Variants in DNAAF1 observed in about 807,000 individuals in gnomAD.
The protein encoded by DNAAF1 is dynein assembly factor 1, axonemal.
DNAAF1 carries 65 observed loss-of-function variants against 71.1 expected under a neutral mutation model. That is an observed-to-expected ratio of 0.91 (90% CI 0.75 to 1.12). DNAAF1 has a LOEUF of 1.12. Among genes scored for constraint, DNAAF1 ranks in the 50% most tolerant of loss-of-function variants. The pLI, the probability that DNAAF1 is intolerant of heterozygous loss-of-function variation, is 0.00. For missense variants in DNAAF1, 1,178 were observed against 899.8 expected (o/e 1.31, Z -3.96); for synonymous variants, 414 against 354.6 (o/e 1.17, Z -1.88).
At chr16:84,149,260 C>T in intron 2 of DNAAF1, 118 bp downstream of exon 2, 1 of 1,341,606 alleles carries the variant, frequency 7.5e-7, no homozygotes, top group Admixed American at 1.8e-5. Context: ...TGCCCAATGT[C>T]TGAGAATGGA....
At chr16:84,152,621 C>G (rs968170067) in intron 3 of DNAAF1, among the ~76,000 whole-genome samples, 36 of 140,694 alleles carry the variant, frequency 2.6e-4, no homozygotes, top group African/African-American at 9.7e-4. Flanking sequence ...GCGCTCCAGC[C>G]TAGGCGACAG....
chr16:84,162,202 T>G (rs989756080), intron 6 of DNAAF1: 5 of 152,230 alleles, frequency 3.3e-5, no homozygotes, highest in South Asian at 2.1e-4. Context: ...GGGATCTGCT[T>G]CTTCTCTCTT....
At chr16:84,166,998 G>A (rs116429384) in intron 7 of DNAAF1, among the ~76,000 whole-genome samples, 5,201 of 151,998 alleles carry the variant, frequency 0.034, 277 homozygotes, top group African/African-American at 0.12. Flanking sequence ...GACACTAACC[G>A]CACAAGTGAT....
At position 84,171,393 on chromosome 16, in the gene DNAAF1, A is replaced by G. The variant is rs1023539188; in HGVS notation, c.1529-867A>G. 4.1e-4 allele frequency among the ~76,000 whole-genome samples: 62 copies of G among 152,210 alleles called. 1 individual carries two copies. The highest frequency in any genetic ancestry group is 4.0e-3 in the Admixed American group (61 of 15,280). The stretch of plus-strand genomic sequence containing the variant: ...GAAGGGGATGGGAGGTCGAGGCTGC[A>G]GTGAGCTGAGATTGCACCACTGCAC... On this transcript the variant is annotated intron_variant, in intron 8 of 11. Coordinates refer to ENST00000378553, the MANE Select transcript of DNAAF1 (RefSeq NM_178452.6).
intron 9 of DNAAF1, chr16:84,173,651 T>G (rs2088498646): frequency 3.0e-6 from 1 of 338,152 alleles, no homozygotes; most frequent in South Asian, 1.2e-4. Context: ...CTGGCCAACA[T>G]GGTGAAACCC....
chr16:84,155,302 C>T (rs907262838), intron 4 of DNAAF1, among the ~76,000 whole-genome samples: 12 of 152,140 alleles, frequency 7.9e-5, no homozygotes, highest in African/African-American at 2.4e-4. Context: ...AGTTAGAGCT[C>T]ACTGCAGCCT....
rs140386513 is a variant in DNAAF1 at position 84,150,293 on chromosome 16, G to C, written c.303G>C (p.Lys101Asn). The change falls in exon 3 of 12, where the codon AAG becomes AAC. Residue 101 changes from lysine to asparagine, a missense_variant. Transcript: ENST00000378553. ...TGCAAAAACTCTGCAAGCAGCACAAGCTTTATATTACCCCAGCATTGAATG... is the reference window on the plus strand; with the variant it reads ...TGCAAAAACTCTGCAAGCAGCACAACCTTTATATTACCCCAGCATTGAATG... ...SSLQKLCKQH[K>N]LYITPALNDT... 3.2e-4 allele frequency: 509 copies of C among 1,614,042 alleles called. No individual in the cohort carries two copies. In the African/African-American group the frequency reaches 6.0e-3, roughly 19 times the overall value.
chr16:84,177,704 G>A (rs1363294162), intron 11 of DNAAF1, 25 bp from the exon 12 acceptor site: 2 of 1,598,120 alleles, frequency 1.3e-6, no homozygotes, highest in Admixed American at 3.3e-5. Context: ...CAGGGAGAAA[G>A]CACAGGTCAC....
At chr16:84,150,601 T>C (rs1398152247) in intron 3 of DNAAF1, among the ~76,000 whole-genome samples, 1 of 151,192 alleles carries the variant, frequency 6.6e-6, no homozygotes, top group African/African-American at 2.4e-5. Flanking sequence ...TAAGGAATTT[T>C]TTTTTCTTTT....
At chr16:84,149,294 G>T (rs189924902) in intron 2 of DNAAF1, 152 bp downstream of exon 2, 6 of 986,790 alleles carry the variant, frequency 6.1e-6, no homozygotes, top group Non-Finnish European at 9.4e-6. Flanking sequence ...TGCCTCTGCC[G>T]CACAGCTGAG....
intron 1 of DNAAF1, among the ~76,000 whole-genome samples, chr16:84,148,212 C>T (rs1421780596): frequency 6.6e-6 from 1 of 152,062 alleles, no homozygotes; most frequent in African/African-American, 2.4e-5. Flanking sequence ...ACATGTATGC[C>T]CTGAAACAGT....
Position 84,154,795 on chromosome 16 carries a change from C to T in DNAAF1, c.571C>T (p.Leu191Phe). 1 of 1,612,808 alleles carries T rather than the reference C, an allele frequency of 6.2e-7. No individual in the cohort carries two copies. The highest frequency in any genetic ancestry group is 1.1e-5 in the South Asian group (1 of 91,042). The change falls in exon 4 of 12, where the codon CTC becomes TTC. Residue 191 changes from leucine (L) to phenylalanine (F), a missense_variant. Leu to Phe is a conservative substitution (Grantham distance 22). Transcript: ENST00000378553. ...CAATTACATCAAGACCATTGAAAAC[C>T]TCTGTAAGGGTACCCAGCAAGCAGT... ...SNNYIKTIEN[L>F]SCLPVLNTLQ...
chr16:84,154,525 C>T, intron 3 of DNAAF1, 52 bp from the exon 4 acceptor site: 24 of 1,534,478 alleles, frequency 1.6e-5, no homozygotes, highest in Non-Finnish European at 2.2e-5. Flanking sequence ...TGACCGTGAC[C>T]CCTCTGCCCT....
At chr16:84,162,129 T>C (rs954376442) in intron 6 of DNAAF1, 1 of 152,280 alleles carries the variant, frequency 6.6e-6, no homozygotes, top group African/African-American at 2.4e-5. Flanking sequence ...TTCTCTGCTA[T>C]AGTATACTTT....
In DNAAF1 at chr16:84,165,828, G is replaced by T. The variant is rs1459477918; in HGVS notation, c.909G>T (p.Lys303Asn). The T allele has an allele frequency of 3.1e-6, 5 of 1,613,692 alleles. No individual in the cohort carries two copies. Among genetic ancestry groups the T allele is most frequent in the Non-Finnish European group, 4.2e-6 (5 of 1,179,962 alleles). The change falls in exon 7 of 12, where the codon AAG becomes AAT. Residue 303 changes from lysine (K) to asparagine (N), a missense_variant. Transcript: ENST00000378553. ...AWARGGYAAE[K>N]EERQQWESRE... is the part of the protein sequence containing the mutation. ...CTAGGGGAGGGTACGCAGCTGAAAA[G>T]GAGGAGAGACAGCAGTGGGAGAGCA...
intron 7 of DNAAF1, among the ~76,000 whole-genome samples, chr16:84,168,558 G>A (rs1040682799): frequency 2.6e-5 from 4 of 151,958 alleles, no homozygotes; most frequent in Admixed American, 6.6e-5. Context: ...GATTACAGAC[G>A]TGAGCCACTG....
Position 84,177,821 on chromosome 16 carries a change from C to T in DNAAF1, c.2158C>T (p.Pro720Ser). ...ALPTWDLTAF[P>S]APKAS The stretch of plus-strand genomic sequence containing the variant: ...GCCCACGTGGGACCTCACTGCATTC[C>T]CAGCACCGAAAGCATCATAGTTTTC... Residue 720 changes from proline to serine, a missense_variant, in exon 12 of 12, where the codon CCA (proline) becomes TCA (serine). Pro to Ser is a moderately conservative substitution (Grantham distance 74). Coordinates refer to ENST00000378553, the MANE Select transcript of DNAAF1 (RefSeq NM_178452.6). The T allele has an allele frequency of 6.2e-7, 1 of 1,613,848 alleles. No individual in the cohort carries two copies. The highest frequency in any genetic ancestry group is 1.1e-5 in the South Asian group (1 of 91,078).
chr16:84,162,176 C>T (rs2087745602), intron 6 of DNAAF1: 1 of 152,204 alleles, frequency 6.6e-6, no homozygotes, highest in African/African-American at 2.4e-5. Flanking sequence ...ACACCTGTAC[C>T]TTTGATTTTA....
chr16:84,172,015 C>T (rs745753162), intron 8 of DNAAF1, among the ~76,000 whole-genome samples: 1 of 151,984 alleles, frequency 6.6e-6, no homozygotes, highest in Non-Finnish European at 1.5e-5. Context: ...GTAGCTGAGA[C>T]TACAGGTGCC....
Sources: gnomAD v4.1 joint callset for allele counts (sites outside exome capture counted in the v4.1 genomes callset) on GRCh38, gnomAD v4.1.1 for gene constraint, MANE v1.5 for transcripts, NCBI Gene and HGNC (gene_info 2026-07-23, HGNC 2026-07-21) for gene names.